The following LCMT1 variants were observed in gnomAD, a reference collection of about 807,000 sequenced individuals.
LCMT1 encodes the protein [Phosphatase 2A protein]-leucine-carboxy methyltransferase 1.
LCMT1 carries 32 observed loss-of-function variants against 47.7 expected under a neutral mutation model. That is an observed-to-expected ratio of 0.67 (90% confidence interval 0.51 to 0.90). LCMT1 has a LOEUF of 0.90. Ranked by LOEUF, LCMT1 falls within the 40% of genes least tolerant of loss-of-function variation. LCMT1 has a pLI of 0.00. For missense variants in LCMT1, 375 were observed against 415.2 expected (o/e 0.90, Z 0.84); for synonymous variants, 152 against 149.7 (o/e 1.02, Z -0.11).
intron 6 of LCMT1, 152 bp downstream of exon 6, chr16:25,161,356 A>AT (rs1961427240): frequency 3.9e-6 from 2 of 509,000 alleles, no homozygotes; most frequent in Non-Finnish European, 6.9e-6. Context: ...TCTGAAAAAA[A>AT]TTCTTTTTTT....
chr16:25,127,171 A>G (rs924366804), intron 1 of LCMT1, among the ~76,000 whole-genome samples: 1 of 152,210 alleles, frequency 6.6e-6, no homozygotes, highest in Non-Finnish European at 1.5e-5. Flanking sequence ...AGCATCATAA[A>G]TGTCTTAATC....
At chr16:25,127,790 G>A (rs918384647) in intron 1 of LCMT1, among the ~76,000 whole-genome samples, 2 of 152,166 alleles carry the variant, frequency 1.3e-5, no homozygotes, top group Non-Finnish European at 2.9e-5. Flanking sequence ...TCGGGATCCC[G>A]CTTCTTTTCA....
intron 3 of LCMT1, among the ~76,000 whole-genome samples, chr16:25,138,947 T>G (rs79818339): frequency 6.6e-6 from 1 of 152,102 alleles, no homozygotes; most frequent in African/African-American, 2.4e-5. Flanking sequence ...TTTTTTTTTT[T>G]ATTTTATCTT....
intron 2 of LCMT1, among the ~76,000 whole-genome samples, chr16:25,129,355 A>C (rs910516010): frequency 6.6e-6 from 1 of 152,168 alleles, no homozygotes; most frequent in African/African-American, 2.4e-5. Context: ...ATAGTTTTTG[A>C]AATTTTATTA....
Position 25,178,157 on chromosome 16 carries a change from C to CAG in LCMT1, c.*135_*136dup. The CAG allele has an allele frequency of 1.4e-6, 1 of 731,156 alleles. No homozygotes were observed. Among genetic ancestry groups the CAG allele is most frequent in the Non-Finnish European group, 2.3e-6 (1 of 427,670 alleles). The allele number at this position is 731,156 out of a possible 1,614,324, so 45.3% of individuals were successfully genotyped here. On this transcript the variant is annotated 3_prime_UTR_variant, in exon 11 of 11. Transcript: ENST00000399069. ...CACTCTTGAGAAGCCTTGGTCACTA[C>CAG]AGTGGTCGCACATGTTCCTCTTCCT...
chr16:25,132,306 C>A (rs1249707743), intron 2 of LCMT1, 96 bp from the exon 3 acceptor site: 3 of 1,425,426 alleles, frequency 2.1e-6, no homozygotes, highest in South Asian at 1.2e-5. Context: ...AGGGCGCATG[C>A]TCTCTGTTTT....
intron 1 of LCMT1, among the ~76,000 whole-genome samples, 153 bp from the exon 2 acceptor site, chr16:25,128,322 G>T (rs1815032445): frequency 6.6e-6 from 1 of 152,250 alleles, no homozygotes. Context: ...GTCTTCGCTT[G>T]TGTAACAGGG....
intron 1 of LCMT1, among the ~76,000 whole-genome samples, chr16:25,117,147 C>G (rs1378349348): frequency 6.6e-6 from 1 of 152,124 alleles, no homozygotes; most frequent in African/African-American, 2.4e-5. Context: ...AGAAAAATTC[C>G]TAGCAGCTGT....
intron 1 of LCMT1, among the ~76,000 whole-genome samples, chr16:25,115,552 T>C (rs1046576146): frequency 6.6e-6 from 1 of 152,190 alleles, no homozygotes; most frequent in East Asian, 1.9e-4. Flanking sequence ...AATTCAGACA[T>C]TTTCCCCTTT....
intron 1 of LCMT1, among the ~76,000 whole-genome samples, chr16:25,124,355 G>A (rs1960093274): frequency 6.6e-6 from 1 of 152,194 alleles, no homozygotes; most frequent in South Asian, 2.1e-4. Flanking sequence ...AAACAAGTGT[G>A]TATGGGGGGC....
chr16:25,151,549 C>T lies in LCMT1; in HGVS notation c.405-5C>T. 1 of 1,611,504 alleles carries T rather than the reference C, an allele frequency of 6.2e-7. No individual in the cohort carries two copies. The highest frequency in any genetic ancestry group is 1.1e-5 in the South Asian group (1 of 90,726). ...ATTTTTCTCCTCTTTCCCATCTTCC[C>T]ATAGATGCAAGCCTCCCCTATCCAG... is the stretch of plus-strand genomic sequence containing the variant. On this transcript the variant is annotated splice_polypyrimidine_tract_variant and splice_region_variant and intron_variant, in intron 4 of 10. Transcript: ENST00000399069.
chr16:25,125,255 A>G (rs995942812), intron 1 of LCMT1, among the ~76,000 whole-genome samples: 1 of 152,210 alleles, frequency 6.6e-6, no homozygotes, highest in African/African-American at 2.4e-5. Flanking sequence ...TGTATTCTCT[A>G]ACAAAATTGG....
Position 25,169,184 on chromosome 16 carries a change from G to C in LCMT1, c.763G>C (p.Val255Leu). 6.2e-7 allele frequency: 1 copy of C among 1,613,044 alleles called. No homozygotes were observed. The highest frequency in any genetic ancestry group is 8.5e-7 in the Non-Finnish European group (1 of 1,179,232). Residue 255 changes from valine to leucine, a missense_variant, in exon 8 of 11, where the codon GTG becomes CTG. Val to Leu is a conservative substitution (Grantham distance 32, BLOSUM62 1). Coordinates refer to ENST00000399069, the MANE Select transcript of LCMT1 (RefSeq NM_016309.3). The part of the protein sequence containing the change: ...LRRRQCDLAG[V>L]ETCKSLESQK... Reference sequence around the variant, plus strand: ...GAGACGCCAGTGTGACCTGGCGGGAGTGGAGACCTGCAAGTCATTAGAGTC... The same window carrying C: ...GAGACGCCAGTGTGACCTGGCGGGACTGGAGACCTGCAAGTCATTAGAGTC...
intron 10 of LCMT1, among the ~76,000 whole-genome samples, chr16:25,175,704 T>G (rs182005883): frequency 1.3e-5 from 2 of 152,262 alleles, no homozygotes; most frequent in South Asian, 2.1e-4. Flanking sequence ...GTGCTGGGAT[T>G]ACAGGCATGA....
At chr16:25,117,614 G>C (rs1567305521) in intron 1 of LCMT1, among the ~76,000 whole-genome samples, 1 of 152,120 alleles carries the variant, frequency 6.6e-6, no homozygotes, top group Non-Finnish European at 1.5e-5. Context: ...AGCACTTTCG[G>C]AGCCGAGATG....
chr16:25,125,351 T>A (rs577440526), intron 1 of LCMT1, among the ~76,000 whole-genome samples: 35 of 152,368 alleles, frequency 2.3e-4, no homozygotes, highest in African/African-American at 6.7e-4. Flanking sequence ...GAGAAATCTT[T>A]GTGCCCATAC....
chr16:25,142,470 G>A (rs1960723567), intron 4 of LCMT1: 1 of 152,218 alleles, frequency 6.6e-6, no homozygotes, highest in African/African-American at 2.4e-5. Flanking sequence ...CTTTTGTGAA[G>A]TTGGTAGTTG....
intron 7 of LCMT1, 89 bp from the exon 8 acceptor site, chr16:25,169,023 C>G (rs1284906132): frequency 3.2e-6 from 3 of 943,696 alleles, no homozygotes; most frequent in South Asian, 2.7e-5. Context: ...GCGTCAGCCT[C>G]GGCTGCTTAA....
chr16:25,154,462 G>A (rs1961176985), intron 5 of LCMT1, among the ~76,000 whole-genome samples: 1 of 150,480 alleles, frequency 6.6e-6, no homozygotes, highest in African/African-American at 2.4e-5. Context: ...CAGTTTATAG[G>A]AACGCTTCAT....
Sources: allele counts gnomAD v4.1 joint callset (sites outside exome capture counted in the v4.1 genomes callset), GRCh38; gene constraint gnomAD v4.1.1; transcripts MANE v1.5; gene names NCBI Gene and HGNC (gene_info 2026-07-23, HGNC 2026-07-21).